The following CD84 variants were observed in gnomAD, a reference collection of about 807,000 sequenced individuals.
CD84 encodes the protein SLAM family member 5.
Under a neutral mutation model 33.8 loss-of-function variants are expected in CD84, and 22 were observed. The ratio of observed to expected loss-of-function variants is 0.65; its 90% CI spans 0.46 to 0.93. The LOEUF is 0.93. Among genes scored for constraint, CD84 ranks in the 40% least tolerant of loss-of-function variants. The pLI, the probability that CD84 is intolerant of heterozygous loss-of-function variation, is 0.00. For synonymous variants in CD84, 154 were observed against 145.2 expected (o/e 1.06, Z -0.44); for missense variants, 400 against 397.6 (o/e 1.01, Z -0.05).
chr1:160,574,864 T>C (rs1441980904), intron 1 of CD84, among the ~76,000 whole-genome samples: 1 of 152,170 alleles, frequency 6.6e-6, no homozygotes, highest in Non-Finnish European at 1.5e-5. Context: ...TGTAGACCTC[T>C]TAGAATAGTG....
At chr1:160,576,109 G>A (rs910110113) in intron 1 of CD84, among the ~76,000 whole-genome samples, 1 of 152,028 alleles carries the variant, frequency 6.6e-6, no homozygotes, top group African/African-American at 2.4e-5. Context: ...TCCTTATCTT[G>A]AAGACCCCTC....
At chr1:160,559,075 A>G (rs1656784967) in intron 2 of CD84, among the ~76,000 whole-genome samples, 1 of 152,242 alleles carries the variant, frequency 6.6e-6, no homozygotes, top group African/African-American at 2.4e-5. Context: ...ATCATCCAGG[A>G]GAACTTCCCC....
chr1:160,552,768 A>C, intron 4 of CD84: 1 of 1,518,998 alleles, frequency 6.6e-7, no homozygotes, highest in Non-Finnish European at 8.9e-7. Flanking sequence ...GAGAGTCAGG[A>C]ACATGGAAGC....
Position 160,546,307 on chromosome 1 carries a change from T to C in CD84, c.*1949A>G, listed in dbSNP as rs1006392075. 5 of 152,210 alleles carry C rather than the reference T, an allele frequency of 3.3e-5. No homozygotes were observed. The highest frequency in any genetic ancestry group is 1.2e-4 in the African/African-American group (5 of 41,448). The allele number at this position is 152,210 out of a possible 1,614,324, so 9.4% of individuals were successfully genotyped here. A position where few individuals can be genotyped will look rare whatever the true frequency, so the allele number is the denominator to read the frequency against. On this transcript the variant is annotated 3_prime_UTR_variant, in exon 7 of 7. Transcript: ENST00000368054. ...CAGCCGGCTTCCGTTTATCTGTAATTCCCACATGTACAATGTAGTGAGGAA... is the reference window on the plus strand; with the variant it reads ...CAGCCGGCTTCCGTTTATCTGTAATCCCCACATGTACAATGTAGTGAGGAA...
chr1:160,549,857 G>C, intron 6 of CD84, 60 bp downstream of exon 6: 1 of 1,253,880 alleles, frequency 8.0e-7, no homozygotes, highest in South Asian at 1.2e-5. Flanking sequence ...GATGGACCGG[G>C]TGCACCAGAA....
intron 1 of CD84, 109 bp from the exon 2 acceptor site, chr1:160,565,854 C>G: frequency 4.4e-6 from 4 of 912,276 alleles, no homozygotes; most frequent in Non-Finnish European, 6.4e-6. Context: ...TGCAGTTCAC[C>G]CAGTTTCTTG....
rs140655590 is a variant in CD84 at position 160,569,517 on chromosome 1, TACAC to T, written c.47-3776_47-3773del. ...TTGATACCCGGTTAGGGAAATAAGA[TACAC>T]ACACACACACACACACACACGCACG... On this transcript the variant is annotated intron_variant, in intron 1 of 6. Coordinates refer to ENST00000368054, the MANE Select transcript of CD84 (RefSeq NM_003874.4). Among the ~76,000 whole-genome samples, 179 of 147,970 alleles carry T rather than the reference TACAC, an allele frequency of 1.2e-3. 1 individual carries two copies. Among genetic ancestry groups the T allele is most frequent in the Middle Eastern group, 0.01 (3 of 288 alleles).
At chr1:160,555,938 A>G (rs1259404045) in intron 2 of CD84, among the ~76,000 whole-genome samples, 1 of 152,238 alleles carries the variant, frequency 6.6e-6, no homozygotes, top group African/African-American at 2.4e-5. Context: ...CCATATTAGA[A>G]TTAGTGAAGA....
chr1:160,548,806 A>T (rs1329959004), intron 6 of CD84, among the ~76,000 whole-genome samples: 1 of 152,170 alleles, frequency 6.6e-6, no homozygotes, highest in African/African-American at 2.4e-5. Flanking sequence ...TCAATTAAAT[A>T]CTGACCCAAT....
In CD84 at chr1:160,545,844, A is replaced by C. The variant is rs3737789; in HGVS notation, c.*2412T>G. 124,758 of 152,292 alleles carry C rather than the reference A, an allele frequency of 0.82. 52,214 individuals are homozygous for C. The highest frequency in any genetic ancestry group is 0.92 in the Non-Finnish European group (62,653 of 68,168). The allele number at this position is 152,292 out of a possible 1,614,324, so 9.4% of individuals were successfully genotyped here. On this transcript the variant is annotated 3_prime_UTR_variant, in exon 7 of 7. Coordinates refer to ENST00000368054, the MANE Select transcript of CD84 (RefSeq NM_003874.4). ...ATGGGGTTTTGCCATGCTGGCCAGG[A>C]TCCTCTCAAATTCCTGACCTCAAGT...
At chr1:160,555,612 G>A (rs975149796) in intron 2 of CD84, among the ~76,000 whole-genome samples, 6 of 152,128 alleles carry the variant, frequency 3.9e-5, no homozygotes, top group Admixed American at 1.3e-4. Context: ...ATGGGGAAGC[G>A]TTAAGGTCTT....
rs749030348 is a variant in CD84, at chr1:160,565,430, G to A, written c.362C>T (p.Thr121Ile). 2 of 1,609,120 alleles carry A rather than the reference G, an allele frequency of 1.2e-6. No homozygotes were observed. The highest frequency in any genetic ancestry group is 2.2e-5 in the South Asian group (2 of 90,298). ...INTQADPYTT[T>I]KRYNLQIYRR... is the part of the protein sequence containing the mutation. ...ATAGATTTGCAGGTTGTAGCGCTTG[G>A]TGGTGGTGTAGGGATCAGCCTGTGT... The change falls in exon 2 of 7, where the codon ACC becomes ATC. Residue 121 changes from threonine to isoleucine, a missense_variant. Coordinates refer to ENST00000368054, the MANE Select transcript of CD84 (RefSeq NM_003874.4).
intron 2 of CD84, among the ~76,000 whole-genome samples, chr1:160,556,734 GGT>G (rs1202150442): frequency 1.3e-5 from 2 of 152,150 alleles, no homozygotes; most frequent in East Asian, 3.8e-4. Flanking sequence ...CTACCCATAA[GGT>G]ACAGATTTTA....
At chr1:160,554,268 TA>T in intron 2 of CD84, 122 bp from the exon 3 acceptor site, 1 of 1,004,714 alleles carries the variant, frequency 1.0e-6, no homozygotes, top group Non-Finnish European at 1.3e-6. Context: ...TATAAAAACA[TA>T]ATTAAATAAA....
intron 6 of CD84, among the ~76,000 whole-genome samples, chr1:160,548,667 G>C (rs1173555739): frequency 6.6e-6 from 1 of 152,118 alleles, no homozygotes; most frequent in Admixed American, 6.5e-5. Context: ...TTGACCCCTA[G>C]TTTTTTTGTA....
chr1:160,548,261 T>C lies in CD84; in HGVS notation c.982A>G (p.Ile328Val). The part of the protein sequence containing the change: ...PPGTSSYEIV[I>V] ...GGAGAATTCAGCCCAGCAGCCTAGA[T>C]CACAATTTCATAGCTTGAAGTCCCA... The change falls in exon 7 of 7, where the codon ATC (isoleucine) becomes GTC (valine). Residue 328 changes from isoleucine (I) to valine (V), a missense_variant. Physicochemically the swap from Ile to Val is conservative, Grantham distance 29. Coordinates refer to ENST00000368054, the MANE Select transcript of CD84 (RefSeq NM_003874.4). The C allele has an allele frequency of 1.2e-6, 2 of 1,614,158 alleles. No homozygotes were observed. Among genetic ancestry groups the C allele is most frequent in the Middle Eastern group, 1.7e-4 (1 of 6,060 alleles).
rs891020484 is a variant in CD84 at position 160,543,175 on chromosome 1, T to A, written c.*5081A>T. 6.6e-6 allele frequency: 1 copy of A among 152,176 alleles called. No individual in the cohort carries two copies. Among genetic ancestry groups the A allele is most frequent in the African/African-American group, 2.4e-5 (1 of 41,450 alleles). The allele number at this position is 152,176 out of a possible 1,614,324, so 9.4% of individuals were successfully genotyped here. ...CCAGATAGCAATGGAATTAATATAT[T>A]AATATATTTACTTTGAGCTGCTTTT... On this transcript the variant is annotated 3_prime_UTR_variant, in exon 7 of 7. Transcript: ENST00000368054.
intron 1 of CD84, among the ~76,000 whole-genome samples, chr1:160,572,173 A>T (rs1216546024): frequency 6.6e-6 from 1 of 152,176 alleles, no homozygotes; most frequent in Non-Finnish European, 1.5e-5. Context: ...TGACTACAAG[A>T]TGGGCTATAA....
chr1:160,578,472 C>T (rs1371067058), intron 1 of CD84, among the ~76,000 whole-genome samples: 2 of 152,156 alleles, frequency 1.3e-5, no homozygotes, highest in Non-Finnish European at 1.5e-5. Flanking sequence ...AGAGAGATCA[C>T]AGTGCATTGA....
Sources: gnomAD v4.1 joint callset for allele counts (sites outside exome capture counted in the v4.1 genomes callset) on GRCh38, gnomAD v4.1.1 for gene constraint, MANE v1.5 for transcripts, NCBI Gene and HGNC (gene_info 2026-07-23, HGNC 2026-07-21) for gene names.